The following EEF2KMT variants were observed in gnomAD, a reference collection of about 807,000 sequenced individuals.
EEF2KMT encodes protein-lysine N-methyltransferase EEF2KMT.
Under a neutral mutation model 35.1 loss-of-function variants are expected in EEF2KMT, and 30 were observed. That is an observed-to-expected ratio of 0.85 (90% CI 0.64 to 1.16). The LOEUF is 1.16. EEF2KMT is among the 50% of genes most tolerant of loss of function. The pLI, the probability that EEF2KMT is intolerant of heterozygous loss-of-function variation, is 0.00. For missense variants in EEF2KMT, 499 were observed against 438.2 expected, an observed-to-expected ratio of 1.14 and a Z score of -1.24; for synonymous variants, 190 against 187.7, an observed-to-expected ratio of 1.01 and a Z score of -0.10.
At chr16:5,096,922 C>T (rs1957481110) in intron 1 of EEF2KMT, among the ~76,000 whole-genome samples, 1 of 152,204 alleles carries the variant, frequency 6.6e-6, no homozygotes, top group Admixed American at 6.5e-5. Flanking sequence ...TATTTTATGT[C>T]AATGGAATAA....
rs201403470 is a variant in EEF2KMT at position 5,093,491 on chromosome 16, A to G, written c.233T>C (p.Ile78Thr). 26 of 1,611,848 alleles carry G rather than the reference A, an allele frequency of 1.6e-5. No homozygotes were observed. In the Admixed American group the frequency reaches 2.8e-4, roughly 18 times the overall value. Residue 78 changes from isoleucine (I) to threonine (T), a missense_variant, in exon 3 of 8, where the codon ATC (isoleucine) becomes ACC (threonine). Coordinates refer to ENST00000427587, the MANE Select transcript of EEF2KMT (RefSeq NM_201400.4). Reference protein sequence around the residue: ...KYARCFLSELIKKHEAVHTEP... With the variant: ...KYARCFLSELTKKHEAVHTEP... ...ACACTGCCCATAACTGACCTTTTTG[A>G]TGAGTTCTGAGAGAAAGCACCGGGC...
At chr16:5,089,031 A>G in intron 7 of EEF2KMT, 76 bp downstream of exon 7, 2 of 1,605,438 alleles carry the variant, frequency 1.2e-6, no homozygotes, top group Non-Finnish European at 8.5e-7. Flanking sequence ...CCCGGCACCC[A>G]GTTCTTTCAC....
rs1373999685 is a variant in EEF2KMT, at chr16:5,095,520, T to C, written c.97-6A>G. 8.7e-6 allele frequency: 14 copies of C among 1,611,296 alleles called. No homozygotes were observed. The highest frequency in any genetic ancestry group is 1.1e-5 in the Non-Finnish European group (13 of 1,179,496). On this transcript the variant is annotated splice_polypyrimidine_tract_variant and splice_region_variant and intron_variant, in intron 1 of 7. Transcript: ENST00000427587. ...CTTAACTTTGCTTCTAAGCTCTGTGTGGAGGGGAAAGAGAGAAATCTCAAG... is the reference window on the plus strand; with the variant it reads ...CTTAACTTTGCTTCTAAGCTCTGTGCGGAGGGGAAAGAGAGAAATCTCAAG...
intron 4 of EEF2KMT, 148 bp downstream of exon 4, chr16:5,091,646 G>A: frequency 2.2e-6 from 3 of 1,392,054 alleles, no homozygotes; most frequent in Middle Eastern, 2.6e-4. Flanking sequence ...TACAGACAGG[G>A]AAACTGAGGC....
At chr16:5,097,468 G>T (rs554933056) in intron 1 of EEF2KMT, 176 bp downstream of exon 1, 3 of 1,413,980 alleles carry the variant, frequency 2.1e-6, no homozygotes, top group Non-Finnish European at 2.8e-6. Flanking sequence ...GGCAGGAGGG[G>T]TGCGAGCGAC....
chr16:5,095,838 T>TG (rs1174921931), intron 1 of EEF2KMT, among the ~76,000 whole-genome samples: 1 of 40,834 alleles, frequency 2.4e-5, no homozygotes, highest in African/African-American at 6.0e-5. Context: ...GCTTGCCATC[T>TG]AAGTGGAGAT....
intron 4 of EEF2KMT, among the ~76,000 whole-genome samples, chr16:5,091,114 T>G (rs1410468824): frequency 2.6e-5 from 4 of 151,420 alleles, no homozygotes; most frequent in Admixed American, 2.6e-4. Flanking sequence ...AGAGATTTGC[T>G]CTCGTTGCCC....
At chr16:5,088,986 C>G (rs942430873) in intron 7 of EEF2KMT, 121 bp downstream of exon 7, 400 of 1,591,578 alleles carry the variant, frequency 2.5e-4, no homozygotes, top group East Asian at 5.1e-4. Context: ...TGAGTTCCCC[C>G]CATGGTGTGG....
At chr16:5,085,949 C>G (rs1370974467) in intron 7 of EEF2KMT, among the ~76,000 whole-genome samples, 3 of 152,188 alleles carry the variant, frequency 2.0e-5, no homozygotes, top group Non-Finnish European at 4.4e-5. Context: ...CAGCAGGCAC[C>G]GTGCCGCTGT....
Position 5,084,483 on chromosome 16 carries a change from A to G in EEF2KMT, c.*1149T>C, listed in dbSNP as rs1957079229. ...CAGAGGCCGAGAGGAGGGTGCTCAC[A>G]GGGGAATGGGCAGCACGTAGAGGCC... On this transcript the variant is annotated 3_prime_UTR_variant, in exon 8 of 8. Coordinates refer to ENST00000427587, the MANE Select transcript of EEF2KMT (RefSeq NM_201400.4). The G allele has an allele frequency of 1.7e-6, 1 of 596,220 alleles. No homozygotes were observed. The highest frequency in any genetic ancestry group is 3.0e-6 in the Non-Finnish European group (1 of 337,110). The allele number at this position is 596,220 out of a possible 1,614,324, so 36.9% of individuals were successfully genotyped here.
rs543489333 is a variant in EEF2KMT at position 5,086,380 on chromosome 16, A to C, written c.893-648T>G. ...ACACGCACCACACACACACCCACAC[A>C]CACACACAGCTTAGAAGGGGCTGCT... On this transcript the variant is annotated intron_variant, in intron 7 of 7. Transcript: ENST00000427587. 3.4e-4 allele frequency: 51 copies of C among 152,060 alleles called. 1 individual carries two copies. In the East Asian group the frequency reaches 3.5e-3, roughly 10 times the overall value. The allele number at this position is 152,060 out of a possible 1,614,324, so 9.4% of individuals were successfully genotyped here.
At position 5,090,339 on chromosome 16, in the gene EEF2KMT, C is replaced by G. The variant is rs1225704653; in HGVS notation, c.487G>C (p.Glu163Gln). ...GTGAGGCCAGCACCACTGCCAAGCT[C>G]TAGGACAGTCCTGGCGGGAGGAAAG... Reference protein sequence around the residue: ...PAVFTNRTVLELGSGAGLTGL... With the variant: ...PAVFTNRTVLQLGSGAGLTGL... The change falls in exon 6 of 8, where the codon GAG becomes CAG. Residue 163 changes from glutamate (E) to glutamine (Q), a missense_variant. By Grantham distance (29) the Glu-to-Gln change is conservative (BLOSUM62 2). Coordinates refer to ENST00000427587, the MANE Select transcript of EEF2KMT (RefSeq NM_201400.4). The surrounding 1 kb of genome is among the most constrained non-coding windows in gnomAD (Gnocchi z 4.1). 6.2e-7 allele frequency: 1 copy of G among 1,611,972 alleles called. No individual in the cohort carries two copies. Among genetic ancestry groups the G allele is most frequent in the African/African-American group, 1.3e-5 (1 of 74,882 alleles).
intron 3 of EEF2KMT, among the ~76,000 whole-genome samples, chr16:5,093,094 A>G (rs1957375725): frequency 6.6e-6 from 1 of 152,266 alleles, no homozygotes; most frequent in Non-Finnish European, 1.5e-5. Context: ...AAATCTTCCA[A>G]CAGGGGCCTG....
chr16:5,092,604 A>G (rs1309524286), intron 3 of EEF2KMT, among the ~76,000 whole-genome samples: 2 of 152,218 alleles, frequency 1.3e-5, no homozygotes, highest in Non-Finnish European at 2.9e-5. Flanking sequence ...CAGGTCTGCT[A>G]CTGCCTACTG....
chr16:5,094,148 GC>G (rs2142779181), intron 2 of EEF2KMT, among the ~76,000 whole-genome samples: 1 of 152,364 alleles, frequency 6.6e-6, no homozygotes, highest in East Asian at 1.9e-4. Flanking sequence ...GAAAACAGGA[GC>G]CTGGAGGGAG....
In EEF2KMT at chr16:5,084,774, C is replaced by A. The variant is rs376032057; in HGVS notation, c.*858G>T. On this transcript the variant is annotated 3_prime_UTR_variant, in exon 8 of 8. Transcript: ENST00000427587. ...GATGCTTTTCTCAAACTTTCCTGAT[C>A]CTGCGGGCAAGCTAAACCAGTTCCG... The A allele has an allele frequency of 4.4e-5, 71 of 1,596,330 alleles. No individual in the cohort carries two copies. The highest frequency in any genetic ancestry group is 3.3e-4 in the African/African-American group (25 of 74,846).
intron 7 of EEF2KMT, among the ~76,000 whole-genome samples, 172 bp downstream of exon 7, chr16:5,088,935 C>G (rs569769491): frequency 6.6e-6 from 1 of 152,192 alleles, no homozygotes; most frequent in Non-Finnish European, 1.5e-5. Flanking sequence ...CTGCCGCAAG[C>G]CCCCCACGCC....
intron 7 of EEF2KMT, chr16:5,086,432 A>C (rs1012487377): frequency 6.6e-6 from 1 of 151,292 alleles, no homozygotes; most frequent in Non-Finnish European, 1.5e-5. Context: ...ATGTCTGAAG[A>C]GCCGTTAGCC....
rs1224275018 is a variant in EEF2KMT at position 5,085,292 on chromosome 16, G to GCTT, written c.*337_*339dup. ...CCCAGGGATGTGGCAGCTGCAGTGG[G>GCTT]CTTGGCTTTGTGAGGAACTGAGTGT... On this transcript the variant is annotated 3_prime_UTR_variant, in exon 8 of 8. Coordinates refer to ENST00000427587, the MANE Select transcript of EEF2KMT (RefSeq NM_201400.4). 2.0e-6 allele frequency: 1 copy of GCTT among 489,734 alleles called. No homozygotes were observed. The highest frequency in any genetic ancestry group is 1.9e-5 in the African/African-American group (1 of 51,478). The allele number at this position is 489,734 out of a possible 1,614,324, so 30.3% of individuals were successfully genotyped here.
Sources: allele counts gnomAD v4.1 joint callset (sites outside exome capture counted in the v4.1 genomes callset), GRCh38; gene constraint gnomAD v4.1.1; non-coding constraint Gnocchi (gnomAD v3.1); transcripts MANE v1.5; gene names NCBI Gene and HGNC (gene_info 2026-07-23, HGNC 2026-07-21).